The following TAF4B variants were observed in gnomAD, a reference collection of about 807,000 sequenced individuals.
The protein encoded by TAF4B is TATA-box binding protein associated factor 4b, also known as transcription initiation factor TFIID subunit 4B.
In TAF4B, 38 loss-of-function variants were observed where a neutral mutation model predicts 86.4. That is an observed-to-expected ratio of 0.44 (90% confidence interval 0.34 to 0.58). The LOEUF is 0.58. Ranked by LOEUF, TAF4B falls within the 20% of genes least tolerant of loss-of-function variation. The pLI, the probability that TAF4B is intolerant of heterozygous loss-of-function variation, is 0.02. For synonymous variants in TAF4B, 388 were observed against 391.2 expected (o/e 0.99, Z 0.10); for missense variants, 988 against 1,027.6 (o/e 0.96, Z 0.53).
At chr18:26,315,096 C>G in intron 9 of TAF4B, 133 bp from the exon 10 acceptor site, 1 of 149,964 alleles carries the variant, frequency 6.7e-6, no homozygotes. Context: ...CTCTCTGAAA[C>G]TCTCTCTCTC....
chr18:26,262,349 G>A (rs2056181712), intron 1 of TAF4B, among the ~76,000 whole-genome samples: 1 of 152,104 alleles, frequency 6.6e-6, no homozygotes, highest in Non-Finnish European at 1.5e-5. Flanking sequence ...GTCATGTTGA[G>A]CTGAGAAGGG....
chr18:26,352,977 G>T (rs1276691629), intron 13 of TAF4B, among the ~76,000 whole-genome samples: 2 of 152,076 alleles, frequency 1.3e-5, no homozygotes, highest in African/African-American at 4.8e-5. Flanking sequence ...CAGATTTTTA[G>T]TAAATTCTAC....
At chr18:26,246,618 C>T (rs545014481) in intron 1 of TAF4B, among the ~76,000 whole-genome samples, 1 of 151,860 alleles carries the variant, frequency 6.6e-6, no homozygotes, top group Admixed American at 6.5e-5. Context: ...ACTGCAACCT[C>T]CACCTCCCAG....
intron 9 of TAF4B, among the ~76,000 whole-genome samples, chr18:26,305,310 A>G (rs947105407): frequency 3.9e-5 from 6 of 152,222 alleles, no homozygotes; most frequent in Admixed American, 6.5e-5. Flanking sequence ...TAAAGAGTTC[A>G]TCATCTTTAA....
intron 9 of TAF4B, among the ~76,000 whole-genome samples, chr18:26,300,900 A>G (rs1160515817): frequency 6.6e-6 from 1 of 150,694 alleles, no homozygotes; most frequent in African/African-American, 2.4e-5. Context: ...AGTTCTGTCA[A>G]TTTTTGTATT....
At chr18:26,272,165 C>T (rs368708344) in intron 3 of TAF4B, among the ~76,000 whole-genome samples, 1 of 152,086 alleles carries the variant, frequency 6.6e-6, no homozygotes, top group African/African-American at 2.4e-5. Context: ...GTGGGGGATT[C>T]TTCTGGAACC....
At chr18:26,351,499 G>T (rs968324085) in intron 13 of TAF4B, among the ~76,000 whole-genome samples, 2 of 152,104 alleles carry the variant, frequency 1.3e-5, no homozygotes, top group Non-Finnish European at 2.9e-5. Flanking sequence ...CTACAAGGAG[G>T]CTAGTGAATG....
intron 12 of TAF4B, among the ~76,000 whole-genome samples, chr18:26,333,708 G>A (rs2057069365): frequency 6.6e-6 from 1 of 151,998 alleles, no homozygotes; most frequent in African/African-American, 2.4e-5. Flanking sequence ...TCCTTTTATA[G>A]CACTTAACAG....
At chr18:26,246,943 G>A (rs1470499193) in intron 1 of TAF4B, among the ~76,000 whole-genome samples, 2 of 151,322 alleles carry the variant, frequency 1.3e-5, no homozygotes, top group Admixed American at 6.6e-5. Flanking sequence ...CCTCTCCCCC[G>A]CCACTGACCC....
chr18:26,373,247 T>C (rs1490148097), intron 14 of TAF4B, among the ~76,000 whole-genome samples: 1 of 152,180 alleles, frequency 6.6e-6, no homozygotes, highest in African/African-American at 2.4e-5. Flanking sequence ...CTCCACCTTA[T>C]TACCCTAGTC....
intron 14 of TAF4B, among the ~76,000 whole-genome samples, chr18:26,369,615 G>T (rs140832087): frequency 6.6e-6 from 1 of 152,236 alleles, no homozygotes; most frequent in Non-Finnish European, 1.5e-5. Context: ...GCTCAAAGGC[G>T]TTGCTGGCAT....
At chr18:26,341,790 T>TTG (rs1319432991) in intron 13 of TAF4B, among the ~76,000 whole-genome samples, 1 of 152,162 alleles carries the variant, frequency 6.6e-6, no homozygotes, top group Non-Finnish European at 1.5e-5. Context: ...TGTATTTCGG[T>TTG]TGTGGTATCC....
intron 14 of TAF4B, among the ~76,000 whole-genome samples, chr18:26,359,162 C>T (rs1019232513): frequency 3.9e-5 from 6 of 152,086 alleles, no homozygotes; most frequent in African/African-American, 1.4e-4. Context: ...TAATATTTTC[C>T]TCATTTCCAC....
In TAF4B at chr18:26,382,018, T is replaced by A. The variant is rs57979344; in HGVS notation, c.2422-7827T>A. On this transcript the variant is annotated intron_variant, in intron 14 of 14. Coordinates refer to ENST00000269142, the MANE Select transcript of TAF4B (RefSeq NM_005640.3). ...CAGCCTGTATGCAACTCACCAACTCTAGAATTACTAGAGTTTTAAACAAAG... is the reference window on the plus strand; with the variant it reads ...CAGCCTGTATGCAACTCACCAACTCAAGAATTACTAGAGTTTTAAACAAAG... 7.9e-3 allele frequency among the ~76,000 whole-genome samples: 1,201 copies of A among 152,274 alleles called. 12 individuals carry two copies. Among genetic ancestry groups the A allele is most frequent in the African/African-American group, 0.027 (1,139 of 41,570 alleles).
chr18:26,346,138 G>A (rs2057177026), intron 13 of TAF4B, among the ~76,000 whole-genome samples: 1 of 151,912 alleles, frequency 6.6e-6, no homozygotes. Context: ...CCAGCTAAGT[G>A]AATGAGAAAT....
At chr18:26,308,894 A>AT (rs1211509247) in intron 9 of TAF4B, among the ~76,000 whole-genome samples, 1 of 151,434 alleles carries the variant, frequency 6.6e-6, no homozygotes, top group African/African-American at 2.4e-5. Context: ...AAAAAAAAAA[A>AT]AAAAAGAAAT....
intron 12 of TAF4B, among the ~76,000 whole-genome samples, chr18:26,332,892 AAC>A (rs1275004247): frequency 6.6e-6 from 1 of 152,084 alleles, no homozygotes; most frequent in African/African-American, 2.4e-5. Flanking sequence ...CCTACAAGGC[AAC>A]ACATGATCTC....
At chr18:26,381,524 C>T (rs1439389139) in intron 14 of TAF4B, among the ~76,000 whole-genome samples, 5 of 151,662 alleles carry the variant, frequency 3.3e-5, no homozygotes, top group Non-Finnish European at 7.4e-5. Flanking sequence ...GTCAGGAGTT[C>T]GAGACCAGCC....
intron 1 of TAF4B, among the ~76,000 whole-genome samples, chr18:26,251,438 A>G (rs897898708): frequency 6.6e-6 from 1 of 152,220 alleles, no homozygotes; most frequent in Non-Finnish European, 1.5e-5. Context: ...ACTTCCATTC[A>G]GATCAGCTTG....
Sources: gnomAD v4.1 joint callset for allele counts (sites outside exome capture counted in the v4.1 genomes callset) on GRCh38, gnomAD v4.1.1 for gene constraint, MANE v1.5 for transcripts, NCBI Gene and HGNC (gene_info 2026-07-23, HGNC 2026-07-21) for gene names.